The following PCDHA10 variants were observed in gnomAD, a reference collection of about 807,000 sequenced individuals.
PCDHA10 encodes protocadherin alpha-10.
PCDHA10 carries 45 observed loss-of-function variants against 61.2 expected under a neutral mutation model. That is an observed-to-expected ratio of 0.74 (90% CI 0.58 to 0.94). PCDHA10 has a LOEUF of 0.94. Among genes scored for constraint, PCDHA10 ranks in the 40% least tolerant of loss-of-function variants. The pLI is 0.00. For missense variants in PCDHA10, 1,278 were observed against 1,236.2 expected (o/e 1.03, Z -0.51); for synonymous variants, 602 against 548.8 (o/e 1.10, Z -1.35).
chr5:140,861,504 G>A (rs900432439), intron 1 of PCDHA10: 5 of 480,672 alleles, frequency 1.0e-5, no homozygotes, highest in African/African-American at 2.0e-5. Context: ...GATAGACCTC[G>A]AGGAGCTGTG....
At chr5:140,898,054 A>G (rs1401215235) in intron 1 of PCDHA10, among the ~76,000 whole-genome samples, 2 of 151,638 alleles carry the variant, frequency 1.3e-5, no homozygotes, top group African/African-American at 4.8e-5. Flanking sequence ...TTTTCTTGTA[A>G]ATTTGTTTGA....
Position 140,857,707 on chromosome 5 carries a change from C to T in PCDHA10, c.1659C>T (p.Phe553=), listed in dbSNP as rs1554150544. ...PLGSNLTLQV[F]VLDENDNAPA... Reference sequence around the variant, plus strand: ...GCAGCAACTTGACGCTGCAGGTGTTCGTGCTGGACGAGAACGACAACGCTC... The same window carrying T: ...GCAGCAACTTGACGCTGCAGGTGTTTGTGCTGGACGAGAACGACAACGCTC... Residue 553 remains phenylalanine, a synonymous_variant, in exon 1 of 4, where the codon TTC becomes TTT. Coordinates refer to ENST00000307360, the MANE Select transcript of PCDHA10 (RefSeq NM_018901.4). 3.1e-6 allele frequency: 5 copies of T among 1,597,080 alleles called. 1 individual carries two copies. Among genetic ancestry groups the T allele is most frequent in the East Asian group, 2.2e-5 (1 of 44,802 alleles).
intron 3 of PCDHA10, among the ~76,000 whole-genome samples, chr5:140,992,953 C>G (rs1377524442): frequency 5.9e-5 from 9 of 152,172 alleles, no homozygotes; most frequent in African/African-American, 2.2e-4. Flanking sequence ...ATTAAATCAC[C>G]CCTTATACTG....
intron 1 of PCDHA10, among the ~76,000 whole-genome samples, chr5:140,978,171 G>C (rs1386184793): frequency 6.6e-6 from 1 of 152,186 alleles, no homozygotes; most frequent in Non-Finnish European, 1.5e-5. Context: ...AGAGTTTGTA[G>C]AGAGAGGGCA....
At chr5:140,938,210 T>G (rs1355577102) in intron 1 of PCDHA10, among the ~76,000 whole-genome samples, 2 of 152,140 alleles carry the variant, frequency 1.3e-5, no homozygotes, top group East Asian at 3.8e-4. Flanking sequence ...CCTCCCAAAG[T>G]GCTGGGATTA....
intron 1 of PCDHA10, chr5:140,876,935 C>T (rs1554169119): frequency 6.2e-7 from 1 of 1,613,746 alleles, no homozygotes; most frequent in Non-Finnish European, 8.5e-7. Context: ...CAGAAGAACG[C>T]GCTGGTGTCC....
chr5:140,967,053 G>A (rs1563359791), intron 1 of PCDHA10: 4 of 1,612,648 alleles, frequency 2.5e-6, no homozygotes, highest in Non-Finnish European at 3.4e-6. Flanking sequence ...GACCTGACGA[G>A]TGGAGCGCTC....
At position 140,982,572 on chromosome 5, in the gene PCDHA10, C is replaced by G. The variant is rs782271002; in HGVS notation, c.2536+9C>G. 1 of 1,613,760 alleles carries G rather than the reference C, an allele frequency of 6.2e-7. No homozygotes were observed. Among genetic ancestry groups the G allele is most frequent in the Non-Finnish European group, 8.5e-7 (1 of 1,179,726 alleles). On this transcript the variant is annotated intron_variant, in intron 3 of 3. Transcript: ENST00000307360. ...ATCCAGTGCAACACCAGGTAAAGAGCTGGGGTCTCTCCATTCTTTCTTGGT... is the reference window on the plus strand; with the variant it reads ...ATCCAGTGCAACACCAGGTAAAGAGGTGGGGTCTCTCCATTCTTTCTTGGT...
At chr5:140,992,186 A>G (rs1436291226) in intron 3 of PCDHA10, among the ~76,000 whole-genome samples, 1 of 152,166 alleles carries the variant, frequency 6.6e-6, no homozygotes, top group East Asian at 1.9e-4. Context: ...TCATGCTTTC[A>G]GTGATCTATC....
intron 1 of PCDHA10, chr5:140,881,399 T>C (rs2058702396): frequency 1.0e-6 from 1 of 975,460 alleles, no homozygotes; most frequent in Non-Finnish European, 1.2e-6. Flanking sequence ...TTAAATTCTA[T>C]TAAATCAATA....
At chr5:141,009,455 A>G in intron 3 of PCDHA10, 172 bp from the exon 4 acceptor site, 1 of 946,862 alleles carries the variant, frequency 1.1e-6, no homozygotes, top group Non-Finnish European at 1.3e-6. Flanking sequence ...AAAAAATTAA[A>G]CAAATAAATA....
At chr5:140,886,899 A>G (rs1054848231) in intron 1 of PCDHA10, among the ~76,000 whole-genome samples, 1 of 152,020 alleles carries the variant, frequency 6.6e-6, no homozygotes, top group Admixed American at 6.6e-5. Flanking sequence ...AATGCATTTA[A>G]TAAATACTTA....
intron 1 of PCDHA10, chr5:140,869,801 T>C: frequency 6.2e-7 from 1 of 1,612,816 alleles, no homozygotes; most frequent in African/African-American, 1.3e-5. Flanking sequence ...GTCCAAGTCT[T>C]GGATGTCAAC....
intron 1 of PCDHA10, among the ~76,000 whole-genome samples, chr5:140,903,237 T>G (rs1191816509): frequency 1.3e-5 from 2 of 152,194 alleles, no homozygotes; most frequent in Non-Finnish European, 2.9e-5. Flanking sequence ...ACTTTTTGAT[T>G]TTTAAATTAT....
At chr5:140,877,686 G>C in intron 1 of PCDHA10, 1 of 1,613,818 alleles carries the variant, frequency 6.2e-7, no homozygotes, top group South Asian at 1.1e-5. Context: ...GCAAGCCCAC[G>C]CTGGTGTGCT....
At chr5:140,919,976 G>A (rs552658832) in intron 1 of PCDHA10, among the ~76,000 whole-genome samples, 1 of 134,018 alleles carries the variant, frequency 7.5e-6, no homozygotes, top group Non-Finnish European at 1.7e-5. Context: ...ATAAGAGATA[G>A]AAGATGGAAA....
chr5:140,927,972 T>C, intron 1 of PCDHA10: 1 of 1,614,190 alleles, frequency 6.2e-7, no homozygotes, highest in Non-Finnish European at 8.5e-7. Context: ...CAGTGATTGC[T>C]CTCTTTAGTG....
At chr5:140,951,082 C>G (rs1563248212) in intron 1 of PCDHA10, among the ~76,000 whole-genome samples, 1 of 151,404 alleles carries the variant, frequency 6.6e-6, no homozygotes, top group African/African-American at 2.4e-5. Context: ...TTATATTTTC[C>G]TTTTTTTCTG....
intron 1 of PCDHA10, chr5:140,927,458 AAG>A: frequency 6.2e-7 from 1 of 1,614,124 alleles, no homozygotes; most frequent in Non-Finnish European, 8.5e-7. Context: ...GTGTTGGAGA[AAG>A]CACTGGATCG....
Sources: allele counts gnomAD v4.1 joint callset (sites outside exome capture counted in the v4.1 genomes callset), GRCh38; gene constraint gnomAD v4.1.1; transcripts MANE v1.5; gene names NCBI Gene and HGNC (gene_info 2026-07-23, HGNC 2026-07-21).